The following JAK1 variants were observed in gnomAD, a reference collection of about 807,000 sequenced individuals.
The protein encoded by JAK1 is tyrosine-protein kinase JAK1.
In JAK1, 16 loss-of-function variants were observed where a neutral mutation model predicts 136.6. The ratio of observed to expected loss-of-function variants is 0.12; its 90% CI spans 0.08 to 0.18. JAK1 has a LOEUF of 0.18. Among genes scored for constraint, JAK1 ranks in the 10% least tolerant of loss-of-function variants. The pLI, the probability that JAK1 is intolerant of heterozygous loss-of-function variation, is 1.00. For synonymous variants in JAK1, 492 were observed against 519.5 expected (o/e 0.95, Z 0.72); for missense variants, 859 against 1,450.1 (o/e 0.59, Z 6.62).
At chr1:64,913,644 G>A (rs7523526) in intron 1 of JAK1, among the ~76,000 whole-genome samples, 16,247 of 96,820 alleles carry the variant, frequency 0.17, 1,598 homozygotes, top group African/African-American at 0.22. Context: ...AGGAAGGGAG[G>A]AAGGAAGGAA....
chr1:65,063,102 A>G (rs1212438562), intron 1 of JAK1, among the ~76,000 whole-genome samples: 1 of 152,248 alleles, frequency 6.6e-6, no homozygotes. Flanking sequence ...AGGAGTCAGC[A>G]GCCTTGTGGG....
intron 1 of JAK1, among the ~76,000 whole-genome samples, chr1:64,903,594 C>G (rs182908348): frequency 1.3e-5 from 2 of 152,292 alleles, no homozygotes. Flanking sequence ...CTAATTCTGG[C>G]TTTTCAGTCA....
intron 2 of JAK1, chr1:64,989,364 T>TA (rs1646633477): frequency 6.7e-6 from 1 of 149,806 alleles, no homozygotes; most frequent in South Asian, 2.1e-4. Flanking sequence ...AATAAATAAA[T>TA]AAATAAAATA....
chr1:64,902,182 C>T (rs997477769), intron 1 of JAK1, among the ~76,000 whole-genome samples: 1 of 152,148 alleles, frequency 6.6e-6, no homozygotes, highest in Non-Finnish European at 1.5e-5. Flanking sequence ...AAAGACATTA[C>T]ATAATTTGCC....
rs550305210 is a variant in JAK1 at position 65,013,069 on chromosome 1, C to T, written c.-78+31411G>A. 3.4e-3 allele frequency among the ~76,000 whole-genome samples: 445 copies of T among 131,970 alleles called. 3 individuals are homozygous for T. The highest frequency in any genetic ancestry group is 5.7e-3 in the Non-Finnish European group (373 of 64,948). 86.6% of individuals were successfully genotyped at this position (131,970 alleles called of 152,430 possible). Reference sequence around the variant, plus strand: ...CAAGATCGTGCCACTGCACTCCAGCCTGGGTGACAGAGCAACACTCCGTCT... The same window carrying T: ...CAAGATCGTGCCACTGCACTCCAGCTTGGGTGACAGAGCAACACTCCGTCT... On this transcript the variant is annotated intron_variant, in intron 2 of 25. Coordinates refer to the JAK1 transcript ENST00000671954.
At chr1:65,063,908 C>G (rs1322429156) in intron 1 of JAK1, among the ~76,000 whole-genome samples, 2 of 151,702 alleles carry the variant, frequency 1.3e-5, no homozygotes, top group Admixed American at 1.3e-4. Flanking sequence ...ATAATGCAAG[C>G]TACACATGTA....
rs748146940 is a variant in JAK1, at chr1:64,886,280, G to C, written c.-16C>G. On this transcript the variant is annotated 5_prime_UTR_variant, in exon 2 of 25. Transcript: ENST00000342505. ...ATACCTGCATTTATTCAGCTGTCCA[G>C]TGTTCTCCAAGAAGCAAACTGGATT... 2 of 1,596,592 alleles carry C rather than the reference G, an allele frequency of 1.3e-6. No individual in the cohort carries two copies. The highest frequency in any genetic ancestry group is 1.4e-5 in the African/African-American group (1 of 73,984).
intron 3 of JAK1, among the ~76,000 whole-genome samples, chr1:64,882,992 G>A (rs1300650435): frequency 1.3e-5 from 2 of 152,168 alleles, no homozygotes; most frequent in Non-Finnish European, 1.5e-5. Flanking sequence ...AACTGAGCCT[G>A]GATCCACAGA....
upstream of JAK1, among the ~76,000 whole-genome samples, chr1:64,970,761 CAAA>C (rs397862455): frequency 1.1e-5 from 1 of 91,188 alleles, no homozygotes; most frequent in Non-Finnish European, 2.7e-5. Context: ...GACTCTGTCT[CAAA>C]AAAAAAAAAA....
intron 9 of JAK1, among the ~76,000 whole-genome samples, chr1:64,858,277 T>C (rs1172553349): frequency 2.0e-5 from 3 of 152,192 alleles, no homozygotes; most frequent in Admixed American, 2.0e-4. Context: ...TACATTTCTT[T>C]GTATCCCCAG....
At chr1:64,912,882 A>G (rs1645308573) in intron 1 of JAK1, among the ~76,000 whole-genome samples, 1 of 152,236 alleles carries the variant, frequency 6.6e-6, no homozygotes, top group Non-Finnish European at 1.5e-5. Flanking sequence ...GCTGGCTGGA[A>G]AGAAACTGGA....
chr1:64,879,997 C>T (rs914181443), intron 3 of JAK1, among the ~76,000 whole-genome samples: 1 of 152,118 alleles, frequency 6.6e-6, no homozygotes, highest in African/African-American at 2.4e-5. Flanking sequence ...TCATAAGCAG[C>T]CAGGCCTCAA....
rs1644851220 is a variant in JAK1 at position 64,886,255 on chromosome 1, A to G, written c.6+4T>C. The G allele has an allele frequency of 1.3e-6, 2 of 1,582,504 alleles. No homozygotes were observed. The highest frequency in any genetic ancestry group is 1.7e-6 in the Non-Finnish European group (2 of 1,158,638). Reference sequence around the variant, plus strand: ...CTTTTTTAAAAATATGCAAATCTACATACCTGCATTTATTCAGCTGTCCAG... The same window carrying G: ...CTTTTTTAAAAATATGCAAATCTACGTACCTGCATTTATTCAGCTGTCCAG... On this transcript the variant is annotated splice_donor_region_variant and intron_variant, in intron 2 of 24. Transcript: ENST00000342505.
chr1:64,891,556 G>A (rs929841606), intron 1 of JAK1, among the ~76,000 whole-genome samples: 1 of 152,184 alleles, frequency 6.6e-6, no homozygotes. Flanking sequence ...AGCAACATGT[G>A]AACAGGAAGC....
intron 17 of JAK1, 99 bp from the exon 18 acceptor site, chr1:64,841,700 A>C: frequency 1.7e-4 from 205 of 1,195,266 alleles, no homozygotes; most frequent in Non-Finnish European, 2.3e-4. Context: ...TTCGATTCTC[A>C]ACATCTCCAC....
At chr1:64,934,447 C>G (rs1645752662) in intron 1 of JAK1, among the ~76,000 whole-genome samples, 1 of 152,080 alleles carries the variant, frequency 6.6e-6, no homozygotes, top group Admixed American at 6.5e-5. Context: ...TCACTGCAAG[C>G]AGAGGTTGTC....
At chr1:65,022,912 T>A (rs1340008168) in intron 2 of JAK1, 1 of 152,150 alleles carries the variant, frequency 6.6e-6, no homozygotes, top group Non-Finnish European at 1.5e-5. Flanking sequence ...TTCACACCTG[T>A]TAGATCATAT....
chr1:64,896,523 A>AT (rs572469903), intron 1 of JAK1, among the ~76,000 whole-genome samples: 1 of 152,234 alleles, frequency 6.6e-6, no homozygotes, highest in Non-Finnish European at 1.5e-5. Context: ...TAAATAACTA[A>AT]TTGGGCTAAA....
chr1:65,054,014 G>GT (rs929681990), intron 1 of JAK1, among the ~76,000 whole-genome samples: 3 of 152,170 alleles, frequency 2.0e-5, no homozygotes, highest in African/African-American at 7.2e-5. Context: ...TCTGGTGGAG[G>GT]TAGTCTAATG....
Sources: gnomAD v4.1 joint callset for allele counts (sites outside exome capture counted in the v4.1 genomes callset) on GRCh38, gnomAD v4.1.1 for gene constraint, MANE v1.5 for transcripts, NCBI Gene and HGNC (gene_info 2026-07-23, HGNC 2026-07-21) for gene names.